Variants in AOPEP observed in about 807,000 individuals in gnomAD.
The protein encoded by AOPEP is aminopeptidase O (putative).
A neutral mutation model predicts 98.1 loss-of-function variants in AOPEP; 77 were observed. The ratio of observed to expected loss-of-function variants is 0.78; its 90% CI spans 0.65 to 0.95. The LOEUF is 0.95. AOPEP is among the 40% of genes least tolerant of loss of function. The pLI, the probability that AOPEP is intolerant of heterozygous loss-of-function variation, is 0.00. For missense variants in AOPEP, 1,024 were observed against 1,024.7 expected (o/e 1.00, Z 0.01); for synonymous variants, 346 against 365.3 (o/e 0.95, Z 0.60).
At chr9:94,912,735 G>T (rs1271643676) in intron 5 of AOPEP, among the ~76,000 whole-genome samples, 1 of 152,196 alleles carries the variant, frequency 6.6e-6, no homozygotes, top group Non-Finnish European at 1.5e-5. Flanking sequence ...GTTGTTGCTG[G>T]CACAGCGCGT....
chr9:94,786,102 C>T (rs960983687), intron 3 of AOPEP, among the ~76,000 whole-genome samples: 2 of 152,206 alleles, frequency 1.3e-5, no homozygotes, highest in African/African-American at 4.8e-5. Context: ...GGGTAGACAG[C>T]TGTAAAGATG....
intron 7 of AOPEP, chr9:94,931,797 A>T: frequency 6.5e-7 from 1 of 1,547,824 alleles, no homozygotes. Context: ...ACTCTGTCCT[A>T]AAAACGCTTT....
chr9:94,807,879 G>A (rs569779490), intron 5 of AOPEP, among the ~76,000 whole-genome samples: 11 of 152,310 alleles, frequency 7.2e-5, no homozygotes, highest in African/African-American at 2.2e-4. Flanking sequence ...AAAGTACAAT[G>A]TGTGAACAGC....
intron 14 of AOPEP, among the ~76,000 whole-genome samples, chr9:95,062,482 G>A (rs1024776500): frequency 6.6e-6 from 1 of 152,216 alleles, no homozygotes; most frequent in African/African-American, 2.4e-5. Flanking sequence ...AGCGTGTTCG[G>A]GATGTAGCGG....
At chr9:95,015,421 C>T (rs193053715) in intron 13 of AOPEP, among the ~76,000 whole-genome samples, 46 of 152,316 alleles carry the variant, frequency 3.0e-4, no homozygotes, top group South Asian at 2.3e-3. Context: ...TTATTCTGTG[C>T]ATAACACATT....
intron 7 of AOPEP, 29 bp from the exon 8 acceptor site, chr9:94,955,148 T>G: frequency 7.5e-7 from 1 of 1,336,884 alleles, no homozygotes; most frequent in South Asian, 1.2e-5. Context: ...TGTGCTATAC[T>G]TAAATAAATT....
chr9:95,044,413 A>T (rs1587765828), intron 13 of AOPEP, among the ~76,000 whole-genome samples: 2 of 152,126 alleles, frequency 1.3e-5, no homozygotes, highest in South Asian at 4.1e-4. Flanking sequence ...ATTAAAAGTA[A>T]AGACATCCCA....
At chr9:94,856,370 G>T (rs889846180) in intron 5 of AOPEP, among the ~76,000 whole-genome samples, 8 of 152,138 alleles carry the variant, frequency 5.3e-5, no homozygotes, top group African/African-American at 1.9e-4. Context: ...GGCCGGGTGC[G>T]GTGGCTCACG....
intron 14 of AOPEP, among the ~76,000 whole-genome samples, chr9:95,076,792 G>T (rs1190961725): frequency 6.6e-6 from 1 of 152,142 alleles, no homozygotes; most frequent in Non-Finnish European, 1.5e-5. Flanking sequence ...CTAGAAAAAA[G>T]GATTCTAAAA....
chr9:94,943,180 A>C (rs1433312480), intron 7 of AOPEP, among the ~76,000 whole-genome samples: 1 of 152,246 alleles, frequency 6.6e-6, no homozygotes, highest in Non-Finnish European at 1.5e-5. Flanking sequence ...GAAAATAAAA[A>C]GACAACCTAC....
intron 2 of AOPEP, 129 bp from the exon 3 acceptor site, chr9:94,772,872 AC>A: frequency 1.1e-6 from 1 of 876,094 alleles, no homozygotes; most frequent in South Asian, 2.6e-5. Flanking sequence ...ATGCTAGGAA[AC>A]CAGTCAACTA....
At position 94,800,953 on chromosome 9, in the gene AOPEP, C is replaced by G; in HGVS notation, c.1315C>G (p.Leu439Val). Residue 439 changes from leucine to valine, a missense_variant, in exon 5 of 17, where the codon CTG (leucine) becomes GTG (valine). Physicochemically the swap from Leu to Val is conservative, Grantham distance 32. Around this residue, in one of 3 missense-constraint regions of AOPEP, gnomAD observed 566 missense variants for 551.7 expected, o/e 1.03. Coordinates refer to ENST00000375315, the MANE Select transcript of AOPEP (RefSeq NM_001193329.3). ...SVLGAHPFSR[L>V]DVLIVPANFP... ...TCTGGGAGCACACCCGTTCTCTCGG[C>G]TGGATGTTCTCATCGTCCCTGCCAA... The G allele has an allele frequency of 6.2e-7, 1 of 1,614,196 alleles. No homozygotes were observed. The highest frequency in any genetic ancestry group is 8.5e-7 in the Non-Finnish European group (1 of 1,180,030).
At chr9:94,949,983 T>A (rs2057983727) in intron 7 of AOPEP, among the ~76,000 whole-genome samples, 1 of 152,214 alleles carries the variant, frequency 6.6e-6, no homozygotes, top group Non-Finnish European at 1.5e-5. Context: ...GGAGCAAGCT[T>A]AAAGACCAGC....
intron 1 of AOPEP, among the ~76,000 whole-genome samples, chr9:94,728,383 C>T (rs1564021824): frequency 1.3e-5 from 2 of 152,130 alleles, no homozygotes; most frequent in Non-Finnish European, 2.9e-5. Flanking sequence ...CTTAATACTT[C>T]TTTAGAAATG....
At chr9:95,082,471 A>G (rs552278494) in intron 15 of AOPEP, 104 bp from the exon 16 acceptor site, 2 of 1,326,416 alleles carry the variant, frequency 1.5e-6, no homozygotes, top group East Asian at 5.0e-5. Flanking sequence ...TGCAATTTCT[A>G]GACCAGCAAG....
intron 9 of AOPEP, among the ~76,000 whole-genome samples, chr9:94,956,916 G>A (rs891218863): frequency 1.3e-5 from 2 of 152,154 alleles, no homozygotes; most frequent in Admixed American, 6.5e-5. Context: ...TAACAAGACC[G>A]GATGGCTGTT....
chr9:94,961,126 G>A (rs1202790022), intron 9 of AOPEP, among the ~76,000 whole-genome samples: 2 of 151,958 alleles, frequency 1.3e-5, no homozygotes. Context: ...TTTAGACATG[G>A]CTCAGCTGCT....
chr9:94,928,673 T>C lies in AOPEP; in HGVS notation c.1661+142T>C, dbSNP rs1243355042. On this transcript the variant is annotated intron_variant, in intron 7 of 16. Coordinates refer to ENST00000375315, the MANE Select transcript of AOPEP (RefSeq NM_001193329.3). Reference sequence around the variant, plus strand: ...CTTCTTGTCCCCCAGATGTGATGGTTATGTTCTAAGTCTTTCAGGGCATGC... The same window carrying C: ...CTTCTTGTCCCCCAGATGTGATGGTCATGTTCTAAGTCTTTCAGGGCATGC... The C allele has an allele frequency of 1.4e-4, 87 of 615,130 alleles. 1 individual carries two copies. Among genetic ancestry groups the C allele is most frequent in the Non-Finnish European group, 1.4e-5 (5 of 350,078 alleles). 38.1% of individuals were successfully genotyped at this position (615,130 alleles called of 1,614,324 possible). A position where few individuals can be genotyped will look rare whatever the true frequency, so the allele number is the denominator to read the frequency against.
chr9:95,008,576 A>G (rs530716431), intron 13 of AOPEP, among the ~76,000 whole-genome samples: 2 of 152,210 alleles, frequency 1.3e-5, no homozygotes, highest in Non-Finnish European at 2.9e-5. Flanking sequence ...CACAAGGGGA[A>G]GCAAAACAAA....
Sources: gnomAD v4.1 joint callset for allele counts (sites outside exome capture counted in the v4.1 genomes callset) on GRCh38, gnomAD v4.1.1 for gene constraint, gnomAD v4.1.1 regional missense constraint, MANE v1.5 for transcripts, NCBI Gene and HGNC (gene_info 2026-07-23, HGNC 2026-07-21) for gene names.